Variants in CCDC178 observed in about 807,000 individuals in gnomAD.
The protein encoded by CCDC178 is coiled-coil domain-containing protein 178.
In CCDC178, 126 loss-of-function variants were observed where a neutral mutation model predicts 117.4. The ratio of observed to expected loss-of-function variants is 1.07; its 90% CI spans 0.93 to 1.24. CCDC178 has a LOEUF of 1.24. CCDC178 is among the 50% of genes most tolerant of loss of function. CCDC178 has a pLI of 0.00. For missense variants in CCDC178, 1,030 were observed against 986.9 expected (o/e 1.04, Z -0.59); for synonymous variants, 283 against 313.4 (o/e 0.90, Z 1.02).
chr18:33,321,641 T>G (rs941967324), intron 11 of CCDC178, among the ~76,000 whole-genome samples: 4 of 151,992 alleles, frequency 2.6e-5, no homozygotes, highest in Non-Finnish European at 5.9e-5. Flanking sequence ...AGTTTGCCTG[T>G]GGTGGTAATT....
At chr18:33,372,012 A>G (rs1194204721) in intron 5 of CCDC178, among the ~76,000 whole-genome samples, 1 of 152,102 alleles carries the variant, frequency 6.6e-6, no homozygotes, top group Non-Finnish European at 1.5e-5. Context: ...TGAAAACAAG[A>G]ATAGTAATGA....
chr18:33,140,482 C>T (rs548631450), intron 20 of CCDC178, among the ~76,000 whole-genome samples: 3 of 152,110 alleles, frequency 2.0e-5, no homozygotes, highest in Non-Finnish European at 2.9e-5. Context: ...TCAGTGTGAC[C>T]CGGATGTGAG....
chr18:33,129,361 T>C (rs995806567), intron 20 of CCDC178, among the ~76,000 whole-genome samples: 1 of 152,106 alleles, frequency 6.6e-6, no homozygotes, highest in African/African-American at 2.4e-5. Context: ...CTCCCTATTA[T>C]GATGTTTTAG....
At chr18:33,106,291 T>A (rs1354683846) in intron 20 of CCDC178, among the ~76,000 whole-genome samples, 1 of 151,478 alleles carries the variant, frequency 6.6e-6, no homozygotes, top group Non-Finnish European at 1.5e-5. Flanking sequence ...CTTTCAATTT[T>A]CCCAAGAAAA....
At chr18:33,381,411 A>G (rs1217943677) in intron 5 of CCDC178, among the ~76,000 whole-genome samples, 1 of 152,166 alleles carries the variant, frequency 6.6e-6, no homozygotes, top group East Asian at 1.9e-4. Flanking sequence ...AGAGACCGAG[A>G]AATGAAGTTA....
intron 4 of CCDC178, among the ~76,000 whole-genome samples, chr18:33,391,966 C>T (rs1177607454): frequency 6.6e-6 from 1 of 151,680 alleles, no homozygotes; most frequent in East Asian, 1.9e-4. Flanking sequence ...TGGGTTCAAG[C>T]GATTCTCCTG....
chr18:33,409,975 C>T (rs1017739168), intron 3 of CCDC178, among the ~76,000 whole-genome samples: 1 of 152,172 alleles, frequency 6.6e-6, no homozygotes, highest in African/African-American at 2.4e-5. Context: ...GTCTATATCA[C>T]AGAAGACTTA....
intron 10 of CCDC178, among the ~76,000 whole-genome samples, chr18:33,331,025 G>GTTTTTTTTTTTTTTT (rs1315738648): frequency 5.4e-5 from 3 of 55,164 alleles, no homozygotes; most frequent in African/African-American, 2.7e-4. Context: ...CACAAACATT[G>GTTTTTTTTTTTTTTT]CTTTTTTTTT....
intron 20 of CCDC178, among the ~76,000 whole-genome samples, chr18:33,199,047 T>A (rs141233519): frequency 6.6e-6 from 1 of 152,064 alleles, no homozygotes; most frequent in East Asian, 1.9e-4. Context: ...CCTTCCAATG[T>A]GAACTTTGGA....
chr18:33,033,622 C>T (rs755971754), intron 21 of CCDC178, among the ~76,000 whole-genome samples: 7 of 152,014 alleles, frequency 4.6e-5, no homozygotes, highest in South Asian at 2.1e-4. Flanking sequence ...GACATAACTC[C>T]CTTCAACCTA....
At chr18:33,291,800 G>A (rs1208075142) in intron 12 of CCDC178, among the ~76,000 whole-genome samples, 2 of 152,064 alleles carry the variant, frequency 1.3e-5, no homozygotes, top group African/African-American at 2.4e-5. Flanking sequence ...TGTGATCTCA[G>A]GCTGACAGGT....
chr18:33,134,530 T>C (rs1180588137), intron 20 of CCDC178, among the ~76,000 whole-genome samples: 6 of 152,070 alleles, frequency 3.9e-5, no homozygotes, highest in African/African-American at 7.2e-5. Flanking sequence ...TACTGAAATA[T>C]GTAATTTATT....
Position 33,121,595 on chromosome 18 carries a change from GT to G in CCDC178, c.2239-28686del, listed in dbSNP as rs1160266150. On this transcript the variant is annotated intron_variant, in intron 20 of 22. Coordinates refer to ENST00000383096, the MANE Select transcript of CCDC178 (RefSeq NM_001105528.4). ...GGAATTCTGACCACTATAGGCTTTT[GT>G]TTTTTTGGAATGTAGCAAGATACTA... 5.9e-5 allele frequency among the ~76,000 whole-genome samples: 9 copies of G among 152,116 alleles called. No homozygotes were observed. In the East Asian group the frequency reaches 1.4e-3, roughly 23 times the overall value.
In CCDC178 at chr18:33,112,424, A is replaced by G. The variant is rs190360300; in HGVS notation, c.2239-19514T>C. Among the ~76,000 whole-genome samples the G allele has an allele frequency of 2.4e-4, 37 of 152,074 alleles. No homozygotes were observed. In the East Asian group the frequency reaches 6.2e-3, roughly 26 times the overall value. ...AATTCAAAGTAGAAGCGACATGATC[A>G]TGCTCAATTTAAGCCTACTAGCCAT... On this transcript the variant is annotated intron_variant, in intron 20 of 22. Transcript: ENST00000383096.
At chr18:33,263,456 T>C (rs1288467377) in intron 14 of CCDC178, among the ~76,000 whole-genome samples, 3 of 152,142 alleles carry the variant, frequency 2.0e-5, no homozygotes, top group African/African-American at 7.2e-5. Context: ...ATACAGCTAT[T>C]TAAATGGTGT....
At chr18:33,001,436 C>T (rs186160737) in intron 21 of CCDC178, among the ~76,000 whole-genome samples, 78 of 151,916 alleles carry the variant, frequency 5.1e-4, no homozygotes, top group Admixed American at 4.1e-3. Flanking sequence ...TGGCGTGAAC[C>T]GGGGAGGCAG....
chr18:33,020,974 C>T (rs2056104909), intron 21 of CCDC178, among the ~76,000 whole-genome samples: 2 of 152,148 alleles, frequency 1.3e-5, no homozygotes, highest in South Asian at 2.1e-4. Context: ...TGAGGCTCTA[C>T]AGAAAAACAA....
chr18:33,202,391 T>TAAAA (rs60997290), intron 20 of CCDC178, among the ~76,000 whole-genome samples: 20 of 20,256 alleles, frequency 9.9e-4, no homozygotes, highest in Non-Finnish European at 1.2e-3. Flanking sequence ...GACTCCATCT[T>TAAAA]AAAAAAAAAA....
chr18:33,343,707 T>G (rs1415062109), intron 9 of CCDC178, among the ~76,000 whole-genome samples: 1 of 152,174 alleles, frequency 6.6e-6, no homozygotes, highest in Non-Finnish European at 1.5e-5. Context: ...AAGATAAATC[T>G]GGAAGACTGA....
Sources: allele counts gnomAD v4.1 joint callset (sites outside exome capture counted in the v4.1 genomes callset), GRCh38; gene constraint gnomAD v4.1.1; transcripts MANE v1.5; gene names NCBI Gene and HGNC (gene_info 2026-07-23, HGNC 2026-07-21).